Variants in NEK10 observed in about 807,000 individuals in gnomAD.
The protein encoded by NEK10 is NIMA related kinase 10.
Under a neutral mutation model 159.8 loss-of-function variants are expected in NEK10, and 122 were observed. The observed-to-expected ratio is 0.76, with a 90% CI of 0.66 to 0.89. The LOEUF (loss-of-function observed/expected upper bound fraction) is 0.89, where lower values mean the gene tolerates loss of function less well. NEK10 is among the 40% of genes least tolerant of loss of function. The pLI is 0.00. For missense variants in NEK10, 1,342 were observed against 1,323.1 expected, an observed-to-expected ratio of 1.01 and a Z score of -0.22; for synonymous variants, 466 against 457.1, an observed-to-expected ratio of 1.02 and a Z score of -0.25.
At chr3:27,270,233 T>G (rs1358513340) in intron 22 of NEK10, among the ~76,000 whole-genome samples, 1 of 152,170 alleles carries the variant, frequency 6.6e-6, no homozygotes, top group Non-Finnish European at 1.5e-5. Context: ...TAGTAAAGGT[T>G]ATTCTGCTGA....
intron 26 of NEK10, 127 bp from the exon 27 acceptor site, chr3:27,174,960 T>C (rs1377947872): frequency 1.5e-5 from 11 of 736,788 alleles, no homozygotes; most frequent in Non-Finnish European, 2.4e-5. Context: ...AGAAGACGCA[T>C]CAGTAGTTCC....
At chr3:27,226,303 C>T (rs1406970595) in intron 23 of NEK10, among the ~76,000 whole-genome samples, 1 of 151,802 alleles carries the variant, frequency 6.6e-6, no homozygotes, top group Admixed American at 6.6e-5. Context: ...CCTCGGCCTC[C>T]CAAAGTGCTA....
chr3:27,123,090 T>C (rs1941524533), intron 32 of NEK10, among the ~76,000 whole-genome samples: 1 of 152,230 alleles, frequency 6.6e-6, no homozygotes, highest in African/African-American at 2.4e-5. Context: ...TAGCAAACTA[T>C]TTTTTGCCCC....
At chr3:27,354,365 C>T (rs1005514005) in intron 1 of NEK10, among the ~76,000 whole-genome samples, 11 of 152,146 alleles carry the variant, frequency 7.2e-5, no homozygotes, top group African/African-American at 2.7e-4. Flanking sequence ...ATCGTTATAT[C>T]TGTTTGAGAT....
chr3:27,298,298 C>G (rs1034760392), intron 13 of NEK10, among the ~76,000 whole-genome samples: 2 of 152,042 alleles, frequency 1.3e-5, no homozygotes, highest in African/African-American at 4.8e-5. Flanking sequence ...ATGAGTCTCA[C>G]AAGATCTGAT....
intron 28 of NEK10, among the ~76,000 whole-genome samples, chr3:27,173,875 T>C (rs1385732579): frequency 1.3e-5 from 2 of 152,158 alleles, no homozygotes; most frequent in Non-Finnish European, 2.9e-5. Context: ...AAATATACCT[T>C]TTCCTTTTCT....
At chr3:27,364,848 A>G (rs956099294) in intron 1 of NEK10, among the ~76,000 whole-genome samples, 1 of 152,242 alleles carries the variant, frequency 6.6e-6, no homozygotes, top group African/African-American at 2.4e-5. Context: ...TTTACATGGT[A>G]GTGCCAGCAC....
chr3:27,272,589 C>A (rs891020526), intron 22 of NEK10, among the ~76,000 whole-genome samples: 1 of 152,128 alleles, frequency 6.6e-6, no homozygotes, highest in Non-Finnish European at 1.5e-5. Context: ...CAGGCCCCCA[C>A]TTATGTACCA....
At chr3:27,148,294 T>C (rs1944502132) in intron 30 of NEK10, among the ~76,000 whole-genome samples, 1 of 152,174 alleles carries the variant, frequency 6.6e-6, no homozygotes, top group Non-Finnish European at 1.5e-5. Flanking sequence ...TAATGACTGA[T>C]TCAATGATTA....
At chr3:27,366,667 C>T (rs1294634705) in intron 1 of NEK10, among the ~76,000 whole-genome samples, 1 of 152,264 alleles carries the variant, frequency 6.6e-6, no homozygotes, top group East Asian at 1.9e-4. Context: ...AGAGCTGTCG[C>T]CAAACACAAA....
chr3:27,146,322 A>T (rs771046260), intron 30 of NEK10, among the ~76,000 whole-genome samples: 6 of 152,186 alleles, frequency 3.9e-5, no homozygotes, highest in Non-Finnish European at 8.8e-5. Context: ...AATTAAACCC[A>T]AAAAAGTGGG....
intron 22 of NEK10, among the ~76,000 whole-genome samples, chr3:27,281,532 A>G (rs2042161116): frequency 1.3e-5 from 2 of 152,132 alleles, no homozygotes; most frequent in South Asian, 4.1e-4. Context: ...TTGAGAGAAT[A>G]AGAACTTTCA....
intron 24 of NEK10, 84 bp from the exon 25 acceptor site, chr3:27,201,664 G>A: frequency 2.2e-6 from 2 of 928,902 alleles, no homozygotes; most frequent in South Asian, 1.6e-5. Flanking sequence ...TAACCTGAGA[G>A]TTACTAATTA....
At chr3:27,152,215 A>T (rs1312105966) in intron 30 of NEK10, among the ~76,000 whole-genome samples, 2 of 152,220 alleles carry the variant, frequency 1.3e-5, no homozygotes, top group Non-Finnish European at 2.9e-5. Context: ...GTTAAGATGA[A>T]GGAAAGAATC....
intron 23 of NEK10, among the ~76,000 whole-genome samples, chr3:27,249,009 C>T (rs955883397): frequency 6.6e-6 from 1 of 152,156 alleles, no homozygotes; most frequent in African/African-American, 2.4e-5. Context: ...AAAATCTCAT[C>T]TTGAATTGTA....
chr3:27,182,497 G>A lies in NEK10; in HGVS notation c.2506-7664C>T, dbSNP rs367708960. On this transcript the variant is annotated intron_variant, in intron 26 of 35. Coordinates refer to ENST00000691995, the MANE Select transcript of NEK10 (RefSeq NM_001394966.1). ...GGGAACCCTTGCAGACTGTTGGTGG[G>A]AATGTAAATTAGTACAGCCACTATA... Among the ~76,000 whole-genome samples, 25 of 152,208 alleles carry A rather than the reference G, an allele frequency of 1.6e-4. No individual in the cohort carries two copies. In the East Asian group the frequency reaches 4.1e-3, roughly 25 times the overall value.
chr3:27,280,972 A>C (rs2042118338), intron 22 of NEK10, among the ~76,000 whole-genome samples: 1 of 151,604 alleles, frequency 6.6e-6, no homozygotes, highest in African/African-American at 2.4e-5. Context: ...TACCTTCAGA[A>C]GATGCAGAAA....
intron 22 of NEK10, among the ~76,000 whole-genome samples, chr3:27,279,300 T>A (rs1454521843): frequency 6.6e-6 from 1 of 152,220 alleles, no homozygotes; most frequent in Admixed American, 6.5e-5. Flanking sequence ...ATTCTGTGTT[T>A]CTTTTCTGGA....
Position 27,111,207 on chromosome 3 carries a change from T to TA in NEK10, c.*64dup. ...CACCCAATCCTTGGGCATCTTGCAA[T>TA]AGCGGCTGAAGTCCAGAACTTGAAC... On this transcript the variant is annotated 3_prime_UTR_variant, in exon 36 of 36. Coordinates refer to ENST00000691995, the MANE Select transcript of NEK10 (RefSeq NM_001394966.1). The TA allele has an allele frequency of 6.8e-7, 1 of 1,474,240 alleles. No homozygotes were observed. The highest frequency in any genetic ancestry group is 1.4e-5 in the African/African-American group (1 of 71,780). The allele number at this position is 1,474,240 out of a possible 1,614,324, so 91.3% of individuals were successfully genotyped here.
Sources: allele counts gnomAD v4.1 joint callset (sites outside exome capture counted in the v4.1 genomes callset), GRCh38; gene constraint gnomAD v4.1.1; transcripts MANE v1.5; gene names NCBI Gene and HGNC (gene_info 2026-07-23, HGNC 2026-07-21).